The following ANXA1 variants were observed in gnomAD, a reference collection of about 807,000 sequenced individuals.
ANXA1 encodes annexin A1.
ANXA1 carries 39 observed loss-of-function variants against 47.9 expected under a neutral mutation model. The ratio of observed to expected loss-of-function variants is 0.81; its 90% confidence interval spans 0.63 to 1.06. The LOEUF is 1.06. Ranked by LOEUF, ANXA1 falls within the 50% of genes least tolerant of loss-of-function variation. The pLI, the probability that ANXA1 is intolerant of heterozygous loss-of-function variation, is 0.00. For missense variants in ANXA1, 446 were observed against 422.7 expected, an observed-to-expected ratio of 1.06 and a Z score of -0.48; for synonymous variants, 146 against 142.5, an observed-to-expected ratio of 1.02 and a Z score of -0.17.
chr9:73,153,706 G>GT lies in ANXA1; in HGVS notation c.-15+1788dup, dbSNP rs557253585. The stretch of plus-strand genomic sequence containing the variant: ...ATGTTCATTAAATTAGTGTAGATAT[G>GT]TTTTTTAAAATATTAGCAATGATAC... On this transcript the variant is annotated intron_variant, in intron 1 of 12. Coordinates refer to ENST00000257497, the MANE Select transcript of ANXA1 (RefSeq NM_000700.3). Among the ~76,000 whole-genome samples, 52 of 151,820 alleles carry GT rather than the reference G, an allele frequency of 3.4e-4. No individual in the cohort carries two copies. In the East Asian group the frequency reaches 6.8e-3, roughly 20 times the overall value.
chr9:73,158,440 CTT>C, intron 1 of ANXA1, 80 bp from the exon 2 acceptor site: 1 of 1,050,618 alleles, frequency 9.5e-7, no homozygotes, highest in Non-Finnish European at 1.5e-6. Flanking sequence ...AATGCTAACT[CTT>C]ATGTATGTAA....
chr9:73,167,550 A>T lies in ANXA1; in HGVS notation c.856A>T (p.Met286Leu). The change falls in exon 11 of 13, where the codon ATG becomes TTG. Residue 286 changes from methionine (M) to leucine (L), a missense_variant. Transcript: ENST00000257497. ...CTTTGCAGAGAAGCTTCATCAAGCCATGAAAGTATGTACCATTCTACTTAT... is the reference window on the plus strand; with the variant it reads ...CTTTGCAGAGAAGCTTCATCAAGCCTTGAAAGTATGTACCATTCTACTTAT... ...AFFAEKLHQA[M>L]KGVGTRHKAL... The T allele has an allele frequency of 6.2e-7, 1 of 1,613,402 alleles. No individual in the cohort carries two copies. Among genetic ancestry groups the T allele is most frequent in the Admixed American group, 1.7e-5 (1 of 59,994 alleles).
chr9:73,165,296 A>G (rs1824209165), intron 9 of ANXA1, 87 bp downstream of exon 9: 4 of 1,036,676 alleles, frequency 3.9e-6, no homozygotes, highest in East Asian at 5.2e-5. Context: ...TAAAAACAGA[A>G]CCCTTTTTCA....
intron 1 of ANXA1, among the ~76,000 whole-genome samples, chr9:73,153,304 C>A (rs900110379): frequency 2.6e-5 from 4 of 152,172 alleles, no homozygotes; most frequent in Admixed American, 2.6e-4. Context: ...TATTAATTTA[C>A]GACATTTCAA....
chr9:73,153,879 A>C (rs1311837014), intron 1 of ANXA1, among the ~76,000 whole-genome samples: 1 of 152,166 alleles, frequency 6.6e-6, no homozygotes, highest in Non-Finnish European at 1.5e-5. Flanking sequence ...AGCCAATGGA[A>C]AGTGATAATA....
Position 73,169,078 on chromosome 9 carries a change from G to C in ANXA1, c.908G>C (p.Arg303Pro). ...HKALIRIMVS[R>P]SEIDMNDIKA... is the part of the protein sequence containing the mutation. ...GCATTGATCAGGATTATGGTTTCCC[G>C]TTCTGAAATTGACATGAATGATATC... is the stretch of plus-strand genomic sequence containing the variant. Residue 303 changes from arginine to proline, a missense_variant, in exon 12 of 13, where the codon CGT (arginine) becomes CCT (proline). Physicochemically the swap from Arg to Pro is moderately radical, Grantham distance 103. Transcript: ENST00000257497. 6.2e-7 allele frequency: 1 copy of C among 1,613,370 alleles called. No individual in the cohort carries two copies. The highest frequency in any genetic ancestry group is 1.1e-5 in the South Asian group (1 of 91,058).
chr9:73,154,264 A>C, intron 1 of ANXA1: 2 of 1,348,064 alleles, frequency 1.5e-6, no homozygotes, highest in Admixed American at 3.9e-5. Context: ...CCGTGCATTT[A>C]AAAATAAACT....
At chr9:73,167,706 C>A in intron 11 of ANXA1, 151 bp downstream of exon 11, 1 of 676,996 alleles carries the variant, frequency 1.5e-6, no homozygotes, top group Non-Finnish European at 2.4e-6. Context: ...AATACACTAC[C>A]TTCTCAGAAT....
intron 6 of ANXA1, among the ~76,000 whole-genome samples, chr9:73,161,862 T>C (rs1271677251): frequency 6.6e-6 from 1 of 152,190 alleles, no homozygotes; most frequent in East Asian, 1.9e-4. Context: ...AGTGATAGTT[T>C]ATTACATTGC....
At chr9:73,162,961 T>G (rs1021376142) in intron 7 of ANXA1, 100 bp downstream of exon 7, 1 of 984,352 alleles carries the variant, frequency 1.0e-6, no homozygotes, top group African/African-American at 1.6e-5. Context: ...GCTAGGTAAT[T>G]TTTAAAGATA....
intron 11 of ANXA1, chr9:73,168,442 T>C (rs1471003775): frequency 1.3e-5 from 2 of 152,026 alleles, no homozygotes; most frequent in Non-Finnish European, 2.9e-5. Flanking sequence ...GAAGTTTAAA[T>C]AGAAATGAGC....
chr9:73,170,005 T>C, intron 12 of ANXA1, 46 bp from the exon 13 acceptor site: 4 of 1,426,674 alleles, frequency 2.8e-6, no homozygotes, highest in Non-Finnish European at 3.9e-6. Flanking sequence ...AAATAGAGAA[T>C]TATGGTTTCG....
chr9:73,166,007 A>G (rs1287328024), intron 9 of ANXA1, 90 bp from the exon 10 acceptor site: 1 of 916,930 alleles, frequency 1.1e-6, no homozygotes, highest in Non-Finnish European at 1.6e-6. Flanking sequence ...TTATTCTAAA[A>G]AATTCTTTGA....
chr9:73,163,414 T>C, intron 7 of ANXA1, 62 bp from the exon 8 acceptor site: 1 of 1,459,256 alleles, frequency 6.9e-7, no homozygotes, highest in East Asian at 2.3e-5. Flanking sequence ...TTTAAGATAA[T>C]TAAGTAAATC....
At chr9:73,160,971 A>G (rs1824133612) in intron 6 of ANXA1, 78 bp downstream of exon 6, 6 of 923,572 alleles carry the variant, frequency 6.5e-6, no homozygotes, top group Non-Finnish European at 1.0e-5. Context: ...TTGACTGTCT[A>G]TGGTAATTAT....
rs1824280825 is a variant in ANXA1 at position 73,169,069 on chromosome 9, T to C, written c.899T>C (p.Met300Thr). Reference protein sequence around the residue: ...GTRHKALIRIMVSRSEIDMND... With the variant: ...GTRHKALIRITVSRSEIDMND... ...CGCCATAAGGCATTGATCAGGATTA[T>C]GGTTTCCCGTTCTGAAATTGACATG... Residue 300 changes from methionine to threonine, a missense_variant, in exon 12 of 13, where the codon ATG (methionine) becomes ACG (threonine). Coordinates refer to ENST00000257497, the MANE Select transcript of ANXA1 (RefSeq NM_000700.3). The C allele has an allele frequency of 1.2e-6, 2 of 1,613,344 alleles. No individual in the cohort carries two copies. The highest frequency in any genetic ancestry group is 4.5e-5 in the East Asian group (2 of 44,860).
rs557300287 is a variant in ANXA1 at position 73,164,950 on chromosome 9, CAAAA to C, written c.613-165_613-162del. Among the ~76,000 whole-genome samples, 13 of 152,236 alleles carry C rather than the reference CAAAA, an allele frequency of 8.5e-5. No individual in the cohort carries two copies. The East Asian group carries it at 2.5e-3, about 29-fold the overall frequency. On this transcript the variant is annotated intron_variant, in intron 8 of 12. Coordinates refer to ENST00000257497, the MANE Select transcript of ANXA1 (RefSeq NM_000700.3). ...GAAACTGTGGAAGATATTTGACAAA[CAAAA>C]TAAGGTCCCTATCTTTAAAGAACTT...
chr9:73,163,456 T>C lies in ANXA1; in HGVS notation c.556-20T>C. On this transcript the variant is annotated intron_variant, in intron 7 of 12. Transcript: ENST00000257497. ...TTACATGCTAGAGAAGAGCTTACAA[T>C]AGAATGGGATTTCTTTCAGGGTGAC... 4 of 1,611,528 alleles carry C rather than the reference T, an allele frequency of 2.5e-6. No individual in the cohort carries two copies. Among genetic ancestry groups the C allele is most frequent in the Non-Finnish European group, 3.4e-6 (4 of 1,178,120 alleles).
Position 73,160,360 on chromosome 9 carries a change from T to C in ANXA1, c.368T>C (p.Leu123Pro). The part of the protein sequence containing the change: ...KTPAQFDADE[L>P]RAAMKGLGTD... ...CCAGCGCAATTTGATGCTGATGAAC[T>C]TCGTGCTGCCATGAAGGTAAATCGC... Residue 123 changes from leucine (L) to proline (P), a missense_variant, in exon 5 of 13, where the codon CTT becomes CCT. Physicochemically the swap from Leu to Pro is moderately conservative, Grantham distance 98. Coordinates refer to ENST00000257497, the MANE Select transcript of ANXA1 (RefSeq NM_000700.3). The C allele has an allele frequency of 6.3e-7, 1 of 1,579,884 alleles. No individual in the cohort carries two copies. Among genetic ancestry groups the C allele is most frequent in the Non-Finnish European group, 8.6e-7 (1 of 1,169,376 alleles).
Sources: allele counts gnomAD v4.1 joint callset (sites outside exome capture counted in the v4.1 genomes callset), GRCh38; gene constraint gnomAD v4.1.1; transcripts MANE v1.5; gene names NCBI Gene and HGNC (gene_info 2026-07-23, HGNC 2026-07-21).